The following SVIL variants were observed in gnomAD, a reference collection of about 807,000 sequenced individuals.
The protein encoded by SVIL is supervillin, also known as archvillin.
A neutral mutation model predicts 240.4 loss-of-function variants in SVIL; 101 were observed. That is an observed-to-expected ratio of 0.42 (90% CI 0.36 to 0.50). The LOEUF is 0.50. Ranked by LOEUF, SVIL falls within the 20% of genes least tolerant of loss-of-function variation. The probability of loss-of-function intolerance (pLI) is 0.01; values close to 1 mark genes in which losing one functional copy is unlikely to be tolerated. For synonymous variants in SVIL, 999 were observed against 1,100.0 expected (o/e 0.91, Z 1.82); for missense variants, 2,512 against 2,818.7 (o/e 0.89, Z 2.46).
chr10:29,547,229 C>A (rs529859388), intron 6 of SVIL, among the ~76,000 whole-genome samples: 55 of 152,264 alleles, frequency 3.6e-4, no homozygotes, highest in African/African-American at 1.3e-3. Context: ...CAACCTGAAT[C>A]ACTGCTGTCA....
At chr10:29,608,833 G>T (rs776653280) in intron 1 of SVIL, among the ~76,000 whole-genome samples, 2 of 152,216 alleles carry the variant, frequency 1.3e-5, no homozygotes, top group Non-Finnish European at 2.9e-5. Flanking sequence ...GGTCTCTAGT[G>T]AAACCCTACC....
At chr10:29,612,593 C>T (rs1375944370) in intron 1 of SVIL, among the ~76,000 whole-genome samples, 2 of 152,134 alleles carry the variant, frequency 1.3e-5, no homozygotes, top group Non-Finnish European at 2.9e-5. Flanking sequence ...TTCAAAGAAA[C>T]AGCTCTGGAG....
At chr10:29,580,444 TGA>T (rs772438892) in intron 1 of SVIL, among the ~76,000 whole-genome samples, 86 of 152,090 alleles carry the variant, frequency 5.7e-4, no homozygotes, top group Non-Finnish European at 6.0e-4. Context: ...CAGGATAAAA[TGA>T]GAGAACACGT....
chr10:29,734,988 A>G (rs1375448087), intron 1 of SVIL, among the ~76,000 whole-genome samples: 1 of 152,176 alleles, frequency 6.6e-6, no homozygotes, highest in Non-Finnish European at 1.5e-5. Context: ...TCTCATGCCA[A>G]CGCCTGAAGC....
chr10:29,610,318 C>T (rs1957195706), intron 1 of SVIL, among the ~76,000 whole-genome samples: 1 of 152,148 alleles, frequency 6.6e-6, no homozygotes. Flanking sequence ...TCCTCCTCCT[C>T]TCCATCCTCC....
chr10:29,722,149 A>G (rs1238431088), intron 1 of SVIL, among the ~76,000 whole-genome samples: 1 of 151,670 alleles, frequency 6.6e-6, no homozygotes, highest in Non-Finnish European at 1.5e-5. Flanking sequence ...GAGGCCAGAG[A>G]ATCGTTTGAA....
At chr10:29,553,715 CAAT>C (rs1331466841) in intron 5 of SVIL, among the ~76,000 whole-genome samples, 1 of 152,220 alleles carries the variant, frequency 6.6e-6, no homozygotes, top group Non-Finnish European at 1.5e-5. Flanking sequence ...TTGATGACAA[CAAT>C]GACTGAGTGA....
intron 30 of SVIL, 128 bp downstream of exon 30, chr10:29,473,710 G>T: frequency 7.9e-7 from 1 of 1,268,342 alleles, no homozygotes; most frequent in African/African-American, 1.5e-5. Flanking sequence ...GACCAGGACT[G>T]AAGTGCTTTG....
At chr10:29,506,725 ACGAAGGAGGGGACAGAGGCCCT>A (rs1949349690) in intron 17 of SVIL, among the ~76,000 whole-genome samples, 2 of 92,946 alleles carry the variant, frequency 2.2e-5, no homozygotes, top group South Asian at 6.3e-4. Context: ...TAGAGACTCT[ACGAAGGAGGGGACAGAGGCCCT>A]AGAGGGAGGG....
chr10:29,476,244 G>A (rs369431380), intron 29 of SVIL, among the ~76,000 whole-genome samples: 167 of 152,278 alleles, frequency 1.1e-3, no homozygotes, highest in African/African-American at 3.9e-3. Flanking sequence ...AGATTATTGA[G>A]GAAAGATATG....
At chr10:29,619,022 G>C (rs1957529603) in intron 1 of SVIL, among the ~76,000 whole-genome samples, 1 of 152,176 alleles carries the variant, frequency 6.6e-6, no homozygotes, top group Non-Finnish European at 1.5e-5. Flanking sequence ...AAGTAGCCCA[G>C]TAACAATCGA....
At chr10:29,494,203 C>T (rs1457419781) in intron 20 of SVIL, among the ~76,000 whole-genome samples, 1 of 152,182 alleles carries the variant, frequency 6.6e-6, no homozygotes, top group East Asian at 1.9e-4. Flanking sequence ...AGCAAGTGGG[C>T]AGCTGGATTT....
intron 1 of SVIL, among the ~76,000 whole-genome samples, chr10:29,687,234 T>G (rs1406589807): frequency 6.6e-6 from 1 of 152,264 alleles, no homozygotes; most frequent in Admixed American, 6.5e-5. Context: ...TACAAGCTTA[T>G]CTTCCCTGGT....
chr10:29,674,764 T>C (rs890508960), intron 2 of SVIL, among the ~76,000 whole-genome samples: 5 of 152,202 alleles, frequency 3.3e-5, no homozygotes, highest in Non-Finnish European at 7.3e-5. Context: ...GCCTCATTTC[T>C]GCTGGAGGCT....
chr10:29,657,915 A>G (rs1335704227), intron 3 of SVIL: 3 of 152,202 alleles, frequency 2.0e-5, no homozygotes, highest in African/African-American at 7.2e-5. Context: ...AGTGCAAGCA[A>G]AGCCAATAAT....
At chr10:29,554,528 G>A (rs929740840) in intron 5 of SVIL, among the ~76,000 whole-genome samples, 2 of 152,032 alleles carry the variant, frequency 1.3e-5, no homozygotes, top group Non-Finnish European at 2.9e-5. Flanking sequence ...GTGTAAGCCT[G>A]TAGTCCCAGC....
At chr10:29,512,909 C>T in intron 16 of SVIL, 48 bp from the exon 17 acceptor site, 1 of 1,591,342 alleles carries the variant, frequency 6.3e-7, no homozygotes, top group African/African-American at 1.3e-5. Context: ...CCAAACTCTT[C>T]CTTGTGATGG....
chr10:29,524,459 A>G lies in SVIL; in HGVS notation c.2586+13T>C, dbSNP rs775910366. On this transcript the variant is annotated intron_variant, in intron 14 of 37. Coordinates refer to ENST00000355867, the MANE Select transcript of SVIL (RefSeq NM_021738.3). ...CACACACACAAACTGCAATCGGACTATAGCACACCCACCTGCTCCACCTCT... is the reference window on the plus strand; with the variant it reads ...CACACACACAAACTGCAATCGGACTGTAGCACACCCACCTGCTCCACCTCT... 1.2e-6 allele frequency: 2 copies of G among 1,613,584 alleles called. No individual in the cohort carries two copies. The highest frequency in any genetic ancestry group is 8.5e-7 in the Non-Finnish European group (1 of 1,179,888).
chr10:29,532,025 T>C lies in SVIL; in HGVS notation c.1986A>G (p.Ser662=), dbSNP rs749698161. ...ACCTATCCGATTCCTTTCGTTCTGC[T>C]GAAGTTATAGGTTGGGTTCTAAATC... ...SERFRTQPIT[S]AERKESDRCT... Residue 662 remains serine, a synonymous_variant, in exon 9 of 38, where the codon TCA becomes TCG. Coordinates refer to ENST00000355867, the MANE Select transcript of SVIL (RefSeq NM_021738.3). 70 of 1,614,096 alleles carry C rather than the reference T, an allele frequency of 4.3e-5. No homozygotes were observed. In the Middle Eastern group the frequency reaches 8.2e-4, roughly 19 times the overall value.
Sources: gnomAD v4.1 joint callset for allele counts (sites outside exome capture counted in the v4.1 genomes callset) on GRCh38, gnomAD v4.1.1 for gene constraint, MANE v1.5 for transcripts, NCBI Gene and HGNC (gene_info 2026-07-23, HGNC 2026-07-21) for gene names.